Variants in LONRF2 observed in about 807,000 individuals in gnomAD.
The protein encoded by LONRF2 is LON peptidase N-terminal domain and ring finger 2.
A neutral mutation model predicts 66.6 loss-of-function variants in LONRF2; 35 were observed. That is an observed-to-expected ratio of 0.53 (90% CI 0.40 to 0.70). The LOEUF (loss-of-function observed/expected upper bound fraction) is 0.70. LONRF2 is among the 30% of genes least tolerant of loss of function. LONRF2 has a pLI of 0.00. For synonymous variants in LONRF2, 417 were observed against 418.1 expected (o/e 1.00, Z 0.03); for missense variants, 902 against 1,002.1 (o/e 0.90, Z 1.35).
chr2:100,291,025 A>G (rs1302437029), intron 9 of LONRF2, among the ~76,000 whole-genome samples: 1 of 152,152 alleles, frequency 6.6e-6, no homozygotes, highest in South Asian at 2.1e-4. Context: ...AATGTGAAAA[A>G]CGACAAGGAA....
chr2:100,299,962 C>A, intron 4 of LONRF2, 44 bp from the exon 5 acceptor site: 8 of 1,214,878 alleles, frequency 6.6e-6, no homozygotes, highest in Admixed American at 2.0e-5. Flanking sequence ...TTAAAGAAAT[C>A]ATAGCATAAG....
At chr2:100,295,942 T>C (rs1308556648) in intron 7 of LONRF2, among the ~76,000 whole-genome samples, 1 of 152,240 alleles carries the variant, frequency 6.6e-6, no homozygotes, top group African/African-American at 2.4e-5. Context: ...TGATTACTTA[T>C]GTTTTGAGTC....
Position 100,290,304 on chromosome 2 carries a change from C to T in LONRF2, c.1874G>A (p.Arg625Lys). Residue 625 changes from arginine to lysine, a missense_variant, in exon 10 of 12, where the codon AGA becomes AAA. Coordinates refer to ENST00000393437, the MANE Select transcript of LONRF2 (RefSeq NM_198461.4). ...SRFRVLSHRH[R>K]DGYNTADIEY... ...AATGTCCGCTGTGTTATAGCCATCT[C>T]TGTGGCGGTGGCTTAGCACTCGGAA... The T allele has an allele frequency of 6.2e-7, 1 of 1,614,194 alleles. No individual in the cohort carries two copies. The highest frequency in any genetic ancestry group is 8.5e-7 in the Non-Finnish European group (1 of 1,180,034).
Position 100,299,907 on chromosome 2 carries a change from C to T in LONRF2, c.1077G>A (p.Glu359=). The part of the protein sequence containing the change: ...GDAGSSENSS[E]KSDMLGNTNS... ...TGGTATTTCCAAGCATATCAGATTT[C>T]TCAGATGAATTCTGGTTAAGTGGGA... is the stretch of plus-strand genomic sequence containing the variant. Residue 359 remains glutamate, a synonymous_variant, in exon 5 of 12, where the codon GAG becomes GAA. Transcript: ENST00000393437. 6.2e-7 allele frequency: 1 copy of T among 1,603,602 alleles called. No homozygotes were observed. Among genetic ancestry groups the T allele is most frequent in the South Asian group, 1.1e-5 (1 of 90,708 alleles).
chr2:100,304,973 A>G (rs559377562), intron 2 of LONRF2, among the ~76,000 whole-genome samples: 2 of 152,014 alleles, frequency 1.3e-5, no homozygotes, highest in East Asian at 1.9e-4. Flanking sequence ...CCTGATGCCT[A>G]TGAAATTTGG....
chr2:100,315,317 A>G (rs1265953634), intron 1 of LONRF2, among the ~76,000 whole-genome samples: 1 of 152,210 alleles, frequency 6.6e-6, no homozygotes, highest in Non-Finnish European at 1.5e-5. Flanking sequence ...AGCAATCTGG[A>G]TAAATCATTT....
intron 7 of LONRF2, among the ~76,000 whole-genome samples, chr2:100,298,565 C>T (rs923024712): frequency 3.9e-5 from 6 of 152,210 alleles, no homozygotes; most frequent in African/African-American, 1.2e-4. Context: ...TTACAATGAA[C>T]GTAATGTAGG....
intron 2 of LONRF2, among the ~76,000 whole-genome samples, chr2:100,305,881 C>A (rs1014800191): frequency 6.6e-6 from 1 of 152,076 alleles, no homozygotes; most frequent in Non-Finnish European, 1.5e-5. Flanking sequence ...AGGAAAAGTA[C>A]AAAATTGTTA....
At position 100,286,554 on chromosome 2, in the gene LONRF2, G is replaced by C. The variant is rs932639008; in HGVS notation, c.2070+360C>G. On this transcript the variant is annotated intron_variant, in intron 11 of 11. Transcript: ENST00000393437. ...TCACTTATTCAACATCTCTATACCA[G>C]GTGCAAGGCAATGCTATGCGCCAAA... Among the ~76,000 whole-genome samples, 12 of 152,290 alleles carry C rather than the reference G, an allele frequency of 7.9e-5. 1 individual carries two copies. The South Asian group carries it at 2.5e-3, about 32-fold the overall frequency.
At position 100,273,281 on chromosome 2, in the gene LONRF2, T is replaced by C. The variant is rs1573101104; in HGVS notation, c.*11017A>G. Reference sequence around the variant, plus strand: ...GCACCTTGGCTTTGGATTTCTAATGTCCAGAAATGTGAGCGAAGAAAACTG... The same window carrying C: ...GCACCTTGGCTTTGGATTTCTAATGCCCAGAAATGTGAGCGAAGAAAACTG... On this transcript the variant is annotated 3_prime_UTR_variant, in exon 12 of 12. Transcript: ENST00000393437. 6.6e-6 allele frequency: 1 copy of C among 152,210 alleles called. No homozygotes were observed. The highest frequency in any genetic ancestry group is 2.4e-5 in the African/African-American group (1 of 41,450). The allele number at this position is 152,210 out of a possible 1,614,324, so 9.4% of individuals were successfully genotyped here.
intron 9 of LONRF2, among the ~76,000 whole-genome samples, chr2:100,293,486 C>A (rs968626750): frequency 6.6e-6 from 1 of 152,292 alleles, no homozygotes. Context: ...AGCATGTGCA[C>A]CTCCTCCATA....
In LONRF2 at chr2:100,310,793, G is replaced by A. The variant is rs1267497945; in HGVS notation, c.680-1568C>T. Among the ~76,000 whole-genome samples, 8 of 152,262 alleles carry A rather than the reference G, an allele frequency of 5.3e-5. No homozygotes were observed. The South Asian group carries it at 1.7e-3, about 32-fold the overall frequency. ...TTGCAGGCAAAGAGGCAAACTGAAG[G>A]ATATCATATAGATACTTGCTTAACA... is the stretch of plus-strand genomic sequence containing the variant. On this transcript the variant is annotated intron_variant, in intron 1 of 11. Transcript: ENST00000393437.
intron 10 of LONRF2, among the ~76,000 whole-genome samples, chr2:100,289,366 A>C (rs7609376): frequency 6.6e-6 from 1 of 151,142 alleles, no homozygotes; most frequent in Non-Finnish European, 1.5e-5. Context: ...CTACAGCATC[A>C]AATACAAATC....
chr2:100,284,182 A>G lies in LONRF2; in HGVS notation c.*116T>C, dbSNP rs1674796460. The G allele has an allele frequency of 2.0e-6, 2 of 979,314 alleles. No homozygotes were observed. The highest frequency in any genetic ancestry group is 1.5e-6 in the Non-Finnish European group (1 of 687,498). 60.7% of individuals were successfully genotyped at this position (979,314 alleles called of 1,614,324 possible). On this transcript the variant is annotated 3_prime_UTR_variant, in exon 12 of 12. Transcript: ENST00000393437. ...GGACTCAATGTTTGGCAAGCGTCCCATTTTGGAACCTCATCCACAAGCACT... is the reference window on the plus strand; with the variant it reads ...GGACTCAATGTTTGGCAAGCGTCCCGTTTTGGAACCTCATCCACAAGCACT...
intron 5 of LONRF2, 94 bp from the exon 6 acceptor site, chr2:100,299,413 G>T: frequency 1.4e-6 from 1 of 721,674 alleles, no homozygotes; most frequent in Non-Finnish European, 2.2e-6. Flanking sequence ...CAAACGTGTT[G>T]TATCAATGTA....
Position 100,290,347 on chromosome 2 carries a change from C to T in LONRF2, c.1831G>A (p.Ala611Thr), listed in dbSNP as rs771136972. ...TFPDGSSVVDAIGISRFRVLS... is the reference protein window; with the variant it reads ...TFPDGSSVVDTIGISRFRVLS... Reference sequence around the variant, plus strand: ...ACTCGGAACCGACTGATGCCAATCGCGTCTACAACAGAACTTCCATCAGGA... The same window carrying T: ...ACTCGGAACCGACTGATGCCAATCGTGTCTACAACAGAACTTCCATCAGGA... Residue 611 changes from alanine to threonine, a missense_variant, in exon 10 of 12, where the codon GCG becomes ACG. Ala to Thr is a moderately conservative substitution (Grantham distance 58). This residue lies in a region of LONRF2 where 317 missense variants were observed against 432.2 expected (regional missense o/e 0.73). Transcript: ENST00000393437. 14 of 1,614,176 alleles carry T rather than the reference C, an allele frequency of 8.7e-6. No individual in the cohort carries two copies. Among genetic ancestry groups the T allele is most frequent in the Non-Finnish European group, 1.1e-5 (13 of 1,180,022 alleles).
chr2:100,292,066 G>A (rs1388877840), intron 9 of LONRF2, among the ~76,000 whole-genome samples: 1 of 152,192 alleles, frequency 6.6e-6, no homozygotes, highest in Non-Finnish European at 1.5e-5. Flanking sequence ...CTAAAGAGCA[G>A]CGATGATTCA....
intron 2 of LONRF2, 78 bp downstream of exon 2, chr2:100,309,029 C>T (rs1424285532): frequency 4.1e-6 from 4 of 980,946 alleles, no homozygotes; most frequent in Non-Finnish European, 6.1e-6. Flanking sequence ...TACCTGATCA[C>T]AATAATCTTA....
chr2:100,289,929 C>T (rs910564837), intron 10 of LONRF2, among the ~76,000 whole-genome samples: 3 of 152,046 alleles, frequency 2.0e-5, no homozygotes, highest in African/African-American at 7.2e-5. Flanking sequence ...CACAGGGAGA[C>T]TCTGTTTCAA....
Sources: allele counts gnomAD v4.1 joint callset (sites outside exome capture counted in the v4.1 genomes callset), GRCh38; gene constraint gnomAD v4.1.1; regional missense constraint gnomAD v4.1.1; transcripts MANE v1.5; gene names NCBI Gene and HGNC (gene_info 2026-07-23, HGNC 2026-07-21).